AFG1L: variants seen among roughly 807,000 people sequenced by gnomAD.
AFG1L encodes the protein AFG1-like ATPase.
In AFG1L, 53 loss-of-function variants were observed where a neutral mutation model predicts 62.2. That is an observed-to-expected ratio of 0.85 (90% CI 0.68 to 1.07). The LOEUF (loss-of-function observed/expected upper bound fraction) is 1.07. Among genes scored for constraint, AFG1L ranks in the 50% least tolerant of loss-of-function variants. The pLI is 0.00. For missense variants in AFG1L, 555 were observed against 590.5 expected (o/e 0.94, Z 0.62); for synonymous variants, 228 against 210.3 (o/e 1.08, Z -0.73).
At chr6:108,319,872 C>A (rs1777752706) in intron 1 of AFG1L, 4 of 334,970 alleles carry the variant, frequency 1.2e-5, no homozygotes, top group South Asian at 1.0e-4. Context: ...TTGTGTTAAC[C>A]CTTTTCTGCA....
At chr6:108,417,034 A>G (rs945573466) in intron 7 of AFG1L, among the ~76,000 whole-genome samples, 14 of 151,724 alleles carry the variant, frequency 9.2e-5, no homozygotes, top group African/African-American at 3.4e-4. Flanking sequence ...GGAGTTTGAG[A>G]TCAGCCTGGG....
intron 8 of AFG1L, among the ~76,000 whole-genome samples, chr6:108,472,774 C>G (rs2114805181): frequency 6.7e-6 from 1 of 149,346 alleles, no homozygotes; most frequent in South Asian, 2.2e-4. Context: ...TCCTTCCTTC[C>G]TCCCTCCCTC....
At chr6:108,349,508 A>G (rs1337628364) in intron 3 of AFG1L, among the ~76,000 whole-genome samples, 1 of 151,944 alleles carries the variant, frequency 6.6e-6, no homozygotes, top group Non-Finnish European at 1.5e-5. Flanking sequence ...AATAGGTAAT[A>G]AAAGATCAAG....
In AFG1L at chr6:108,318,201, G is replaced by A. The variant is rs116125416; in HGVS notation, c.140-5624G>A. ...ATTCTCTGTGTGCCCAAGGAAAGTG[G>A]CGTTATGATAGGAAGCAGAGTGGCT... On this transcript the variant is annotated intron_variant, in intron 1 of 12. Transcript: ENST00000368977. 418 of 275,812 alleles carry A rather than the reference G, an allele frequency of 1.5e-3. 2 individuals are homozygous for A. The highest frequency in any genetic ancestry group is 9.1e-3 in the African/African-American group (400 of 43,890). The allele number at this position is 275,812 out of a possible 1,614,324, so 17.1% of individuals were successfully genotyped here.
At chr6:108,494,721 T>G (rs1298562438) in intron 10 of AFG1L, among the ~76,000 whole-genome samples, 1 of 152,160 alleles carries the variant, frequency 6.6e-6, no homozygotes, top group African/African-American at 2.4e-5. Flanking sequence ...TTATTTACTC[T>G]GCAAATACAC....
intron 7 of AFG1L, among the ~76,000 whole-genome samples, chr6:108,414,323 A>T (rs1782258197): frequency 6.6e-6 from 1 of 152,238 alleles, no homozygotes; most frequent in Non-Finnish European, 1.5e-5. Context: ...ATGGATTCAC[A>T]GCCGAATTCT....
At chr6:108,326,570 T>C (rs1400667844) in intron 2 of AFG1L, among the ~76,000 whole-genome samples, 1 of 152,208 alleles carries the variant, frequency 6.6e-6, no homozygotes, top group Non-Finnish European at 1.5e-5. Flanking sequence ...AGTTTTCCTT[T>C]AATTGACTTT....
At chr6:108,379,904 A>G (rs1780422153) in intron 6 of AFG1L, among the ~76,000 whole-genome samples, 1 of 150,052 alleles carries the variant, frequency 6.7e-6, no homozygotes, top group South Asian at 2.1e-4. Context: ...CCTGGTTGTG[A>G]GGCAGAGAGG....
intron 2 of AFG1L, among the ~76,000 whole-genome samples, chr6:108,335,267 G>T (rs578116696): frequency 6.6e-6 from 1 of 152,078 alleles, no homozygotes; most frequent in Non-Finnish European, 1.5e-5. Flanking sequence ...CACTGCCCCG[G>T]CTGGTTTTTC....
chr6:108,297,710 C>T (rs574502696), intron 1 of AFG1L, among the ~76,000 whole-genome samples: 2 of 151,612 alleles, frequency 1.3e-5, no homozygotes, highest in Non-Finnish European at 2.9e-5. Context: ...CAAAACTTAG[C>T]CGGGTGTGGT....
intron 5 of AFG1L, among the ~76,000 whole-genome samples, chr6:108,365,491 TG>T (rs141757442): frequency 0.55 from 63,603 of 116,368 alleles, 19,053 homozygotes; most frequent in African/African-American, 0.72. Flanking sequence ...TGGTTTTTTT[TG>T]TTTTTTTTTT....
chr6:108,331,238 A>ATC (rs1778266895), intron 2 of AFG1L, among the ~76,000 whole-genome samples: 2 of 152,208 alleles, frequency 1.3e-5, no homozygotes, highest in Non-Finnish European at 2.9e-5. Context: ...GTAAGCCGAG[A>ATC]TCGTGCCACT....
At chr6:108,480,887 A>G (rs910482822) in intron 10 of AFG1L, among the ~76,000 whole-genome samples, 10 of 152,270 alleles carry the variant, frequency 6.6e-5, no homozygotes, top group African/African-American at 2.4e-4. Flanking sequence ...TAAGAATTTT[A>G]TGGAGCATGA....
chr6:108,346,144 T>G (rs1019709896), intron 2 of AFG1L, among the ~76,000 whole-genome samples: 5 of 152,198 alleles, frequency 3.3e-5, no homozygotes, highest in Non-Finnish European at 5.9e-5. Flanking sequence ...ACAGCATTTT[T>G]TCCAATTTCC....
intron 5 of AFG1L, among the ~76,000 whole-genome samples, chr6:108,364,198 T>C (rs1183325315): frequency 6.6e-6 from 1 of 152,200 alleles, no homozygotes; most frequent in Non-Finnish European, 1.5e-5. Flanking sequence ...TGTTCACTTA[T>C]ACTGTAAAAT....
At chr6:108,435,335 A>G (rs902912065) in intron 7 of AFG1L, among the ~76,000 whole-genome samples, 7 of 152,200 alleles carry the variant, frequency 4.6e-5, no homozygotes, top group Non-Finnish European at 1.0e-4. Flanking sequence ...GTATCTGACA[A>G]GAGCAGGGAA....
At chr6:108,511,698 G>A (rs1040838194) in intron 11 of AFG1L, among the ~76,000 whole-genome samples, 3 of 152,138 alleles carry the variant, frequency 2.0e-5, no homozygotes, top group Non-Finnish European at 4.4e-5. Context: ...TCTTTGCACA[G>A]AATTAGATAG....
At chr6:108,427,960 A>G (rs528734332) in intron 7 of AFG1L, among the ~76,000 whole-genome samples, 78 of 152,312 alleles carry the variant, frequency 5.1e-4, no homozygotes, top group South Asian at 2.1e-3. Flanking sequence ...ATATATTTGT[A>G]TTTCAGTAGC....
chr6:108,433,424 C>A (rs1771167015), intron 7 of AFG1L, among the ~76,000 whole-genome samples: 1 of 151,514 alleles, frequency 6.6e-6, no homozygotes, highest in Non-Finnish European at 1.5e-5. Context: ...GTACTGCAGG[C>A]ATGCACCACC....
Sources: allele counts gnomAD v4.1 joint callset (sites outside exome capture counted in the v4.1 genomes callset), GRCh38; gene constraint gnomAD v4.1.1; transcripts MANE v1.5; gene names NCBI Gene and HGNC (gene_info 2026-07-23, HGNC 2026-07-21).